Variants in C12orf42 observed in about 807,000 individuals in gnomAD.
The protein encoded by C12orf42 is uncharacterized protein C12orf42.
Under a neutral mutation model 21.6 loss-of-function variants are expected in C12orf42, and 25 were observed. The ratio of observed to expected loss-of-function variants is 1.16; its 90% CI spans 0.84 to 1.62. The LOEUF is 1.62. Ranked by LOEUF, C12orf42 falls within the 40% of genes most tolerant of loss-of-function variation. C12orf42 has a pLI of 0.00. For missense variants in C12orf42, 483 were observed against 459.3 expected, an observed-to-expected ratio of 1.05 and a Z score of -0.47; for synonymous variants, 174 against 175.0, an observed-to-expected ratio of 0.99 and a Z score of 0.05.
chr12:103,211,956 T>C, the C12orf42 span, among the ~76,000 whole-genome samples: 1 of 152,280 alleles, frequency 6.6e-6, no homozygotes, highest in South Asian at 2.1e-4. Context: ...TCATAAAGAG[T>C]ACATTTAGTG....
chr12:103,248,372 T>C (rs10507162), intron 10 of C12orf42, among the ~76,000 whole-genome samples: 3 of 152,022 alleles, frequency 2.0e-5, no homozygotes, highest in South Asian at 2.1e-4. Context: ...AAGTCGATAG[T>C]AAAGTACTCA....
intron 10 of C12orf42, among the ~76,000 whole-genome samples, chr12:103,247,943 T>G (rs541947276): frequency 5.3e-5 from 8 of 152,020 alleles, no homozygotes; most frequent in South Asian, 2.1e-4. Context: ...TCCTATAGGG[T>G]AGGCACTCTT....
chr12:103,535,043 G>A, the C12orf42 span, among the ~76,000 whole-genome samples: 1 of 152,150 alleles, frequency 6.6e-6, no homozygotes. Context: ...GGAAAGCAGT[G>A]ATACTTTGTC....
chr12:103,055,116 T>G, the C12orf42 span, among the ~76,000 whole-genome samples: 1 of 151,962 alleles, frequency 6.6e-6, no homozygotes, highest in Non-Finnish European at 1.5e-5. Flanking sequence ...TCTCTTCTAT[T>G]TTCTGGAAGA....
At chr12:103,140,507 C>T in the C12orf42 span, among the ~76,000 whole-genome samples, 78 of 152,266 alleles carry the variant, frequency 5.1e-4, no homozygotes, top group Non-Finnish European at 1.0e-3. Flanking sequence ...TTTTCCTGAG[C>T]CAAGCTGGCC....
At chr12:103,204,446 A>G in the C12orf42 span, among the ~76,000 whole-genome samples, 4 of 152,202 alleles carry the variant, frequency 2.6e-5, no homozygotes, top group East Asian at 5.8e-4. Context: ...AACTTTGAAA[A>G]ATCAGTTGAA....
rs890692193 is a variant in C12orf42 at position 103,357,241 on chromosome 12, A to G, written c.259+11646T>C. 2.0e-5 allele frequency among the ~76,000 whole-genome samples: 3 copies of G among 151,990 alleles called. No homozygotes were observed. The East Asian group carries it at 5.8e-4, about 30-fold the overall frequency. On this transcript the variant is annotated intron_variant, in intron 4 of 5. Transcript: ENST00000548883. Reference sequence around the variant, plus strand: ...CAGCACACCAGCATGGCACATGTGTACATATGTAACTAAACTGCACATTGT... The same window carrying G: ...CAGCACACCAGCATGGCACATGTGTGCATATGTAACTAAACTGCACATTGT...
At chr12:103,483,333 T>C (rs1292815630) in intron 1 of C12orf42, among the ~76,000 whole-genome samples, 1 of 152,102 alleles carries the variant, frequency 6.6e-6, no homozygotes, top group Non-Finnish European at 1.5e-5. Flanking sequence ...GGTATGTGTC[T>C]ACTCTACTCT....
At chr12:103,172,861 G>C in the C12orf42 span, among the ~76,000 whole-genome samples, 1 of 152,044 alleles carries the variant, frequency 6.6e-6, no homozygotes, top group South Asian at 2.1e-4. Flanking sequence ...TATATCTCTT[G>C]AACTCGTACC....
chr12:103,403,353 G>A (rs2048173289), intron 2 of C12orf42, among the ~76,000 whole-genome samples: 1 of 149,506 alleles, frequency 6.7e-6, no homozygotes, highest in South Asian at 2.1e-4. Flanking sequence ...TCCAGCCTGG[G>A]CAACAGAGCG....
the C12orf42 span, among the ~76,000 whole-genome samples, chr12:103,222,075 C>A: frequency 5.9e-5 from 9 of 152,144 alleles, no homozygotes; most frequent in Admixed American, 3.9e-4. Context: ...CCCAAGATGT[C>A]ATATGCATAT....
At chr12:103,131,986 G>A in the C12orf42 span, among the ~76,000 whole-genome samples, 3 of 152,108 alleles carry the variant, frequency 2.0e-5, no homozygotes, top group African/African-American at 7.2e-5. Context: ...TGATGATGGT[G>A]AGTTATACTG....
the C12orf42 span, among the ~76,000 whole-genome samples, chr12:103,092,479 C>T: frequency 1.3e-5 from 2 of 152,182 alleles, no homozygotes; most frequent in Non-Finnish European, 2.9e-5. Flanking sequence ...TCTAAGTTAA[C>T]AGACCTCTTA....
At chr12:103,383,958 G>A (rs2046386505) in intron 3 of C12orf42, among the ~76,000 whole-genome samples, 4 of 152,256 alleles carry the variant, frequency 2.6e-5, no homozygotes, top group East Asian at 1.9e-4. Context: ...AAAATCACCC[G>A]AAGTGTGTGA....
chr12:103,169,821 T>C, the C12orf42 span, among the ~76,000 whole-genome samples: 1 of 152,072 alleles, frequency 6.6e-6, no homozygotes, highest in South Asian at 2.1e-4. Flanking sequence ...TAAAGGTGAA[T>C]GTGCAAGACA....
At chr12:103,086,935 T>C in the C12orf42 span, among the ~76,000 whole-genome samples, 1 of 152,172 alleles carries the variant, frequency 6.6e-6, no homozygotes, top group Non-Finnish European at 1.5e-5. Flanking sequence ...TGCTTTCCTC[T>C]GTTACAGCAC....
the C12orf42 span, among the ~76,000 whole-genome samples, chr12:103,522,963 C>G: frequency 1.3e-5 from 2 of 152,208 alleles, no homozygotes; most frequent in African/African-American, 4.8e-5. Flanking sequence ...TGGAAGGAGA[C>G]AGTGTCTAGC....
At chr12:103,394,848 A>G (rs2047381536) in intron 3 of C12orf42, among the ~76,000 whole-genome samples, 1 of 152,176 alleles carries the variant, frequency 6.6e-6, no homozygotes, top group Non-Finnish European at 1.5e-5. Context: ...CATGCTGAGA[A>G]CAAGGGGAAG....
chr12:103,265,675 T>C (rs1199626574), downstream of C12orf42, among the ~76,000 whole-genome samples: 2 of 152,094 alleles, frequency 1.3e-5, no homozygotes, highest in African/African-American at 4.8e-5. Flanking sequence ...CAAGGACTTC[T>C]AGAAACAGAC....
Sources: allele counts gnomAD v4.1 joint callset (sites outside exome capture counted in the v4.1 genomes callset), GRCh38; gene constraint gnomAD v4.1.1; transcripts MANE v1.5; gene names NCBI Gene and HGNC (gene_info 2026-07-23, HGNC 2026-07-21).